The following ZC3H3 variants were observed in gnomAD, a reference collection of about 807,000 sequenced individuals.
The protein encoded by ZC3H3 is zinc finger CCCH-type containing 3.
ZC3H3 carries 36 observed loss-of-function variants against 77.3 expected under a neutral mutation model. That is an observed-to-expected ratio of 0.47 (90% CI 0.36 to 0.61). ZC3H3 has a LOEUF of 0.61. ZC3H3 is among the 20% of genes least tolerant of loss of function. The pLI, the probability that ZC3H3 is intolerant of heterozygous loss-of-function variation, is 0.00. For missense variants in ZC3H3, 1,331 were observed against 1,312.2 expected, an observed-to-expected ratio of 1.01 and a Z score of -0.22; for synonymous variants, 626 against 555.2, an observed-to-expected ratio of 1.13 and a Z score of -1.79.
chr8:143,442,453 G>T (rs1417271877), intron 9 of ZC3H3, among the ~76,000 whole-genome samples: 1 of 148,642 alleles, frequency 6.7e-6, no homozygotes, highest in African/African-American at 2.5e-5. Context: ...GGGGGCAGGG[G>T]CAGTGGCTGT....
At chr8:143,454,085 T>C (rs1820054436) in intron 9 of ZC3H3, among the ~76,000 whole-genome samples, 5 of 151,804 alleles carry the variant, frequency 3.3e-5, no homozygotes, top group Admixed American at 3.3e-4. Flanking sequence ...TTTTCTTTTT[T>C]TTTTTTTTTT....
At chr8:143,523,285 G>C (rs1822308318) in intron 3 of ZC3H3, 2 of 982,882 alleles carry the variant, frequency 2.0e-6, no homozygotes, top group South Asian at 9.4e-5. Flanking sequence ...AGGGGCTATA[G>C]CAAAGACAGA....
At chr8:143,525,221 C>A (rs1030491576) in intron 3 of ZC3H3, among the ~76,000 whole-genome samples, 1 of 152,224 alleles carries the variant, frequency 6.6e-6, no homozygotes, top group Non-Finnish European at 1.5e-5. Context: ...CCCTGAGGCT[C>A]CCCCAGGAGC....
chr8:143,478,272 C>T (rs1384685664), intron 4 of ZC3H3, among the ~76,000 whole-genome samples: 1 of 152,230 alleles, frequency 6.6e-6, no homozygotes, highest in African/African-American at 2.4e-5. Flanking sequence ...TGTGGCTCTC[C>T]AAAGGCACCC....
intron 9 of ZC3H3, among the ~76,000 whole-genome samples, chr8:143,447,600 A>G (rs975964404): frequency 1.1e-4 from 16 of 152,314 alleles, no homozygotes; most frequent in African/African-American, 3.6e-4. Context: ...TATAAAGAAA[A>G]GAGGTTTAAC....
chr8:143,439,320 G>A (rs1224457139), intron 11 of ZC3H3, among the ~76,000 whole-genome samples: 9 of 152,198 alleles, frequency 5.9e-5, no homozygotes, highest in Admixed American at 5.9e-4. Context: ...GCAGAAGGCT[G>A]CAGCAAGCAT....
intron 3 of ZC3H3, among the ~76,000 whole-genome samples, chr8:143,522,021 A>T (rs1021465932): frequency 6.6e-6 from 1 of 152,090 alleles, no homozygotes; most frequent in Admixed American, 6.5e-5. Flanking sequence ...GGGTGTGTCC[A>T]CCCAGGTGTG....
Position 143,468,509 on chromosome 8 carries a change from G to C in ZC3H3, c.1978C>G (p.Arg660Gly). 6.2e-7 allele frequency: 1 copy of C among 1,609,084 alleles called. No individual in the cohort carries two copies. The highest frequency in any genetic ancestry group is 1.1e-5 in the South Asian group (1 of 90,218). Residue 660 changes from arginine to glycine, a missense_variant, in exon 7 of 12, where the codon CGG (arginine) becomes GGG (glycine). By Grantham distance (125) the Arg-to-Gly change is moderately radical. This residue lies in a region of ZC3H3 where 978 missense variants were observed against 915.5 expected (regional missense o/e 1.07). Transcript: ENST00000262577. ...TTCTCCCTGCGCTGCCGCGCCTGCC[G>C]GATGATGGCCAGGCTGCGCTGCACT... Reference protein sequence around the residue: ...RAVQRSLAIIRQARQRREKRK... With the variant: ...RAVQRSLAIIGQARQRREKRK...
chr8:143,492,315 G>A (rs536267686), intron 4 of ZC3H3, among the ~76,000 whole-genome samples: 3 of 151,986 alleles, frequency 2.0e-5, no homozygotes, highest in Non-Finnish European at 2.9e-5. Flanking sequence ...GGCCCAGTGG[G>A]GGGGATCCGG....
At chr8:143,452,872 CAG>C (rs1563836013) in intron 9 of ZC3H3, among the ~76,000 whole-genome samples, 1 of 152,118 alleles carries the variant, frequency 6.6e-6, no homozygotes, top group Non-Finnish European at 1.5e-5. Context: ...GATGCAGAAA[CAG>C]AGCAAAAAGA....
At chr8:143,515,046 C>T (rs1221002730) in intron 3 of ZC3H3, among the ~76,000 whole-genome samples, 2 of 152,340 alleles carry the variant, frequency 1.3e-5, no homozygotes, top group South Asian at 2.1e-4. Context: ...GCTCAGGGAG[C>T]GTGCCATGCC....
rs10101193 is a variant in ZC3H3, at chr8:143,536,062, G to C, written c.1561+195C>G. Among the ~76,000 whole-genome samples, 79,300 of 152,120 alleles carry C rather than the reference G, an allele frequency of 0.52. 20,897 individuals carry two copies. The highest frequency in any genetic ancestry group is 0.66 in the East Asian group (3,418 of 5,168). ...CACCTGCCCAGCAGCACATCCCACA[G>C]CCAGACTGCAGGGCGCAGCATCCGG... On this transcript the variant is annotated intron_variant, in intron 3 of 11. Transcript: ENST00000262577.
intron 9 of ZC3H3, among the ~76,000 whole-genome samples, chr8:143,442,521 C>T (rs946570901): frequency 1.3e-5 from 2 of 149,296 alleles, no homozygotes; most frequent in Admixed American, 6.9e-5. Flanking sequence ...CTGGGACGGG[C>T]GTGGGGGTGT....
chr8:143,497,090 C>T (rs903576545), intron 4 of ZC3H3, among the ~76,000 whole-genome samples: 11 of 152,238 alleles, frequency 7.2e-5, no homozygotes, highest in Admixed American at 2.6e-4. Flanking sequence ...ATATAAACAA[C>T]TGGTGAGTTT....
rs751888046 is a variant in ZC3H3 at position 143,475,592 on chromosome 8, A to C, written c.1716-7T>G. The C allele has an allele frequency of 6.3e-7, 1 of 1,585,098 alleles. No homozygotes were observed. The highest frequency in any genetic ancestry group is 8.6e-7 in the Non-Finnish European group (1 of 1,165,830). On this transcript the variant is annotated splice_region_variant and splice_polypyrimidine_tract_variant and intron_variant, in intron 4 of 11. Coordinates refer to ENST00000262577, the MANE Select transcript of ZC3H3 (RefSeq NM_015117.3). Reference sequence around the variant, plus strand: ...GCGGTTCAGCACCAGGGACCTGCAGAGACAGGAAATGCCCGTCAAACCTGG... The same window carrying C: ...GCGGTTCAGCACCAGGGACCTGCAGCGACAGGAAATGCCCGTCAAACCTGG...
Position 143,475,824 on chromosome 8 carries a change from C to G in ZC3H3, c.1716-239G>C, listed in dbSNP as rs539196410. 1.6e-3 allele frequency among the ~76,000 whole-genome samples: 242 copies of G among 152,226 alleles called. 1 individual carries two copies. The highest frequency in any genetic ancestry group is 5.5e-3 in the African/African-American group (229 of 41,542). ...ACATTTTGGCCGTCATCAGGGAACA[C>G]TGACAAGGAGTCCCAGGAGGTGGCG... On this transcript the variant is annotated intron_variant, in intron 4 of 11. Coordinates refer to ENST00000262577, the MANE Select transcript of ZC3H3 (RefSeq NM_015117.3).
At chr8:143,476,058 C>G (rs776452972) in intron 4 of ZC3H3, among the ~76,000 whole-genome samples, 2 of 152,190 alleles carry the variant, frequency 1.3e-5, no homozygotes, top group Non-Finnish European at 2.9e-5. Context: ...GCACACCTGG[C>G]CCTTGGCACC....
chr8:143,538,249 G>A lies in ZC3H3; in HGVS notation c.1118C>T (p.Ala373Val), dbSNP rs544805028. ...KPATSSKPGS[A>V]PSKYKWKASS... is the part of the protein sequence containing the mutation. ...GGCCTTCCACTTGTACTTGCTGGGG[G>A]CAGACCCTGGCTTGGAGGACGTGGC... Residue 373 changes from alanine (A) to valine (V), a missense_variant, in exon 2 of 12, where the codon GCC (alanine) becomes GTC (valine). Ala to Val is a moderately conservative substitution (Grantham distance 64). Around this residue, in one of 3 missense-constraint regions of ZC3H3, gnomAD observed 978 missense variants for 915.5 expected, o/e 1.07. Transcript: ENST00000262577. 3.4e-5 allele frequency: 55 copies of A among 1,613,032 alleles called. No individual in the cohort carries two copies. In the Admixed American group the frequency reaches 4.2e-4, roughly 12 times the overall value.
chr8:143,507,902 G>A lies in ZC3H3; in HGVS notation c.1562-3C>T. On this transcript the variant is annotated splice_polypyrimidine_tract_variant and splice_region_variant and intron_variant, in intron 3 of 11. Coordinates refer to ENST00000262577, the MANE Select transcript of ZC3H3 (RefSeq NM_015117.3). ...CCGCACGGCATGCAGGCTGGACGCT[G>A]TAGAGAAAACCCAGGGCACAGACAT... 4 of 1,581,466 alleles carry A rather than the reference G, an allele frequency of 2.5e-6. No homozygotes were observed. Among genetic ancestry groups the A allele is most frequent in the Non-Finnish European group, 3.5e-6 (4 of 1,159,320 alleles).
Sources: gnomAD v4.1 joint callset for allele counts (sites outside exome capture counted in the v4.1 genomes callset) on GRCh38, gnomAD v4.1.1 for gene constraint, gnomAD v4.1.1 regional missense constraint, MANE v1.5 for transcripts, NCBI Gene and HGNC (gene_info 2026-07-23, HGNC 2026-07-21) for gene names.